NRF1: variants seen among roughly 807,000 people sequenced by gnomAD.
The protein encoded by NRF1 is alpha palindromic-binding protein.
NRF1 carries 5 observed loss-of-function variants against 58.5 expected under a neutral mutation model. That is an observed-to-expected ratio of 0.09 (90% confidence interval 0.04 to 0.18). NRF1 has a LOEUF of 0.18. NRF1 is among the 10% of genes least tolerant of loss of function. The pLI, the probability that NRF1 is intolerant of heterozygous loss-of-function variation, is 1.00. For missense variants in NRF1, 288 were observed against 657.7 expected (o/e 0.44, Z 6.15); for synonymous variants, 224 against 246.7 (o/e 0.91, Z 0.86).
At chr7:129,623,999 T>C (rs1800861761) in intron 1 of NRF1, among the ~76,000 whole-genome samples, 1 of 152,240 alleles carries the variant, frequency 6.6e-6, no homozygotes, top group Non-Finnish European at 1.5e-5. Context: ...TAATTCTCAC[T>C]TGAGAATCCA....
chr7:129,655,366 C>T (rs547303873), intron 1 of NRF1, among the ~76,000 whole-genome samples: 1 of 152,254 alleles, frequency 6.6e-6, no homozygotes, highest in South Asian at 2.1e-4. Flanking sequence ...TCTACATCAA[C>T]AATCATGTCA....
chr7:129,719,259 A>T (rs1419827524), intron 9 of NRF1, among the ~76,000 whole-genome samples: 1 of 151,996 alleles, frequency 6.6e-6, no homozygotes, highest in African/African-American at 2.4e-5. Flanking sequence ...CAGCCTCCCA[A>T]GTAGCCAGGA....
intron 8 of NRF1, among the ~76,000 whole-genome samples, chr7:129,714,623 T>C (rs1183389064): frequency 2.0e-5 from 3 of 152,054 alleles, no homozygotes; most frequent in Non-Finnish European, 2.9e-5. Flanking sequence ...TGAGGGGCAA[T>C]TTTGCAGCTC....
At chr7:129,707,562 G>T (rs1313350578) in intron 5 of NRF1, among the ~76,000 whole-genome samples, 2 of 152,110 alleles carry the variant, frequency 1.3e-5, no homozygotes, top group Non-Finnish European at 2.9e-5. Context: ...ACACTCCCAA[G>T]AAATTAGAAT....
At chr7:129,681,686 G>A (rs569722772) in intron 4 of NRF1, among the ~76,000 whole-genome samples, 9 of 152,222 alleles carry the variant, frequency 5.9e-5, no homozygotes, top group South Asian at 4.1e-4. Context: ...CGATCCTCCC[G>A]CCTCAGCCTC....
intron 1 of NRF1, among the ~76,000 whole-genome samples, chr7:129,637,786 C>T (rs527642203): frequency 7.2e-5 from 11 of 152,184 alleles, no homozygotes; most frequent in South Asian, 2.1e-4. Flanking sequence ...AAGCTGCATG[C>T]GGCCCAGGAT....
At chr7:129,640,681 G>A (rs1801270436) in intron 1 of NRF1, among the ~76,000 whole-genome samples, 1 of 152,076 alleles carries the variant, frequency 6.6e-6, no homozygotes, top group African/African-American at 2.4e-5. Context: ...ACAAAGGGTG[G>A]GACTCTGATG....
At chr7:129,631,396 T>C (rs1801046044) in intron 1 of NRF1, among the ~76,000 whole-genome samples, 1 of 152,152 alleles carries the variant, frequency 6.6e-6, no homozygotes, top group Non-Finnish European at 1.5e-5. Flanking sequence ...CTTTTTAATT[T>C]TTTTGTAGAG....
At chr7:129,655,375 C>T (rs939263860) in intron 1 of NRF1, among the ~76,000 whole-genome samples, 3 of 152,148 alleles carry the variant, frequency 2.0e-5, no homozygotes, top group African/African-American at 7.2e-5. Flanking sequence ...ACAATCATGT[C>T]ATCTATGAAG....
rs1231722724 is a variant in NRF1, at chr7:129,634,059, TATAC to T, written c.-7+22237_-7+22240del. ...AAAAAAAAAGATATATATATATATA[TATAC>T]ACACACACACACACACACACACTTT... On this transcript the variant is annotated intron_variant, in intron 1 of 10. Coordinates refer to ENST00000393232, the MANE Select transcript of NRF1 (RefSeq NM_005011.5). Among the ~76,000 whole-genome samples the T allele has an allele frequency of 2.1e-3, 259 of 124,844 alleles. 2 individuals carry two copies. The highest frequency in any genetic ancestry group is 5.2e-3 in the African/African-American group (173 of 33,132). 81.9% of individuals were successfully genotyped at this position (124,844 alleles called of 152,430 possible).
chr7:129,625,891 C>G (rs1205013943), intron 1 of NRF1, among the ~76,000 whole-genome samples: 2 of 151,984 alleles, frequency 1.3e-5, no homozygotes, highest in African/African-American at 2.4e-5. Flanking sequence ...ACCATGTTAG[C>G]CAGGATGGTC....
chr7:129,691,527 G>GT (rs934937389), intron 5 of NRF1, among the ~76,000 whole-genome samples: 2 of 151,072 alleles, frequency 1.3e-5, no homozygotes, highest in African/African-American at 4.9e-5. Flanking sequence ...GCTAATTTTT[G>GT]TTTTTTTAGT....
chr7:129,710,336 TTG>T, intron 6 of NRF1, 36 bp from the exon 7 acceptor site: 1 of 1,601,930 alleles, frequency 6.2e-7, no homozygotes, highest in Non-Finnish European at 8.6e-7. Flanking sequence ...CCAAAGTTCT[TTG>T]TGGCTTAATG....
Position 129,755,026 on chromosome 7 carries a change from C to T in NRF1, c.1357C>T (p.Gln453Ter). 1 of 1,610,448 alleles carries T rather than the reference C, an allele frequency of 6.2e-7. No homozygotes were observed. Among genetic ancestry groups the T allele is most frequent in the South Asian group, 1.1e-5 (1 of 90,388 alleles). The change falls in exon 11 of 11, where the codon CAG becomes TAG. Residue 453 changes from glutamine to a stop codon, truncating the protein, a stop_gained. Transcript: ENST00000393232. LOFTEE classifies it high-confidence loss of function. This position sits in a 1 kb window ranked among gnomAD's most constrained non-coding sequence, Gnocchi z 5.8. Reference sequence around the variant, plus strand: ...TCTCTTTGTCTCTCCAGGCCTGGTCCAGATCCCTGTGAGCATGTACCAGAC... The same window carrying T: ...TCTCTTTGTCTCTCCAGGCCTGGTCTAGATCCCTGTGAGCATGTACCAGAC... Reference protein sequence around the residue: ...TGVQDANGLVQIPVSMYQTVV... With the variant: ...TGVQDANGLV
intron 2 of NRF1, among the ~76,000 whole-genome samples, chr7:129,663,453 AAT>A (rs1801838166): frequency 9.9e-6 from 1 of 100,706 alleles, no homozygotes; most frequent in South Asian, 3.6e-4. Context: ...CATCCCAGAC[AAT>A]GGGCGGCCGA....
chr7:129,720,982 ATG>A (rs773424536), intron 9 of NRF1, among the ~76,000 whole-genome samples: 68 of 151,930 alleles, frequency 4.5e-4, no homozygotes, highest in Non-Finnish European at 7.4e-4. Flanking sequence ...TTGTGTGTGT[ATG>A]TGTGTGTATA....
At chr7:129,683,304 T>TGAGAGA (rs1562969577) in intron 4 of NRF1, among the ~76,000 whole-genome samples, 1 of 141,102 alleles carries the variant, frequency 7.1e-6, no homozygotes, top group African/African-American at 2.8e-5. Flanking sequence ...TGTGTGTGTG[T>TGAGAGA]GTGTGTGTGT....
At chr7:129,671,649 C>A in intron 3 of NRF1, 106 bp downstream of exon 3, 2 of 637,786 alleles carry the variant, frequency 3.1e-6, no homozygotes, top group Non-Finnish European at 2.8e-6. Flanking sequence ...TGGTTCGATT[C>A]CTTGATGACA....
chr7:129,667,639 T>C (rs1801951423), intron 2 of NRF1, among the ~76,000 whole-genome samples: 1 of 151,878 alleles, frequency 6.6e-6, no homozygotes, highest in African/African-American at 2.4e-5. Context: ...GTTTATCCTT[T>C]CGGGATCTTG....
Sources: gnomAD v4.1 joint callset for allele counts (sites outside exome capture counted in the v4.1 genomes callset) on GRCh38, gnomAD v4.1.1 for gene constraint, Gnocchi (gnomAD v3.1) non-coding constraint, MANE v1.5 for transcripts, NCBI Gene and HGNC (gene_info 2026-07-23, HGNC 2026-07-21) for gene names.